Variants in PIK3AP1 observed in about 807,000 individuals in gnomAD.
The protein encoded by PIK3AP1 is phosphoinositide 3-kinase adapter protein 1.
Under a neutral mutation model 88.1 loss-of-function variants are expected in PIK3AP1, and 21 were observed. The observed-to-expected ratio is 0.24, with a 90% CI of 0.17 to 0.34. PIK3AP1 has a LOEUF of 0.34. Among genes scored for constraint, PIK3AP1 ranks in the 10% least tolerant of loss-of-function variants. The pLI is 1.00. For synonymous variants in PIK3AP1, 398 were observed against 400.0 expected (o/e 1.00, Z 0.06); for missense variants, 828 against 1,035.7 (o/e 0.80, Z 2.75).
chr10:96,627,674 T>G (rs1156428283), intron 9 of PIK3AP1, among the ~76,000 whole-genome samples: 1 of 152,174 alleles, frequency 6.6e-6, no homozygotes, highest in Non-Finnish European at 1.5e-5. Context: ...ACATTGCAAA[T>G]GATTGGACAG....
At chr10:96,679,570 A>T (rs1843971175) in intron 2 of PIK3AP1, among the ~76,000 whole-genome samples, 1 of 152,174 alleles carries the variant, frequency 6.6e-6, no homozygotes, top group Non-Finnish European at 1.5e-5. Flanking sequence ...GCTCATCCTT[A>T]TCTTTAGTCC....
At chr10:96,664,438 C>T (rs1843734183) in intron 2 of PIK3AP1, among the ~76,000 whole-genome samples, 1 of 152,100 alleles carries the variant, frequency 6.6e-6, no homozygotes, top group South Asian at 2.1e-4. Context: ...AGTGAGAAAG[C>T]ATTTCTTTGA....
chr10:96,677,460 G>C (rs770044624), intron 2 of PIK3AP1, among the ~76,000 whole-genome samples: 3 of 152,054 alleles, frequency 2.0e-5, no homozygotes, highest in Non-Finnish European at 4.4e-5. Context: ...GCAGAGTCCA[G>C]TTGTCTTCCT....
chr10:96,599,001 A>G (rs1184529792), intron 16 of PIK3AP1, among the ~76,000 whole-genome samples: 1 of 152,226 alleles, frequency 6.6e-6, no homozygotes, highest in African/African-American at 2.4e-5. Flanking sequence ...ATCATCAGCT[A>G]TTCCTGTTCT....
chr10:96,601,959 C>T (rs1029013328), intron 16 of PIK3AP1, among the ~76,000 whole-genome samples: 4 of 152,210 alleles, frequency 2.6e-5, no homozygotes, highest in Non-Finnish European at 5.9e-5. Flanking sequence ...TCTCGGCTCA[C>T]TGCAACCTCT....
At chr10:96,651,725 C>G (rs755222375) in intron 4 of PIK3AP1, 74 bp from the exon 5 acceptor site, 16 of 1,515,262 alleles carry the variant, frequency 1.1e-5, no homozygotes, top group Admixed American at 9.0e-5. Flanking sequence ...TGTGGATATA[C>G]ACACTCCATC....
intron 1 of PIK3AP1, among the ~76,000 whole-genome samples, 171 bp from the exon 2 acceptor site, chr10:96,710,154 A>G (rs1027044914): frequency 5.9e-5 from 9 of 152,090 alleles, no homozygotes; most frequent in Admixed American, 5.9e-4. Flanking sequence ...CCCCATTTAC[A>G]GTCTGTGTTC....
chr10:96,691,965 G>C (rs1184077161), intron 2 of PIK3AP1, among the ~76,000 whole-genome samples: 2 of 152,172 alleles, frequency 1.3e-5, no homozygotes, highest in African/African-American at 2.4e-5. Context: ...GTCTCTCCCA[G>C]ATTTAAGATT....
At chr10:96,653,860 T>G (rs1019074218) in intron 3 of PIK3AP1, among the ~76,000 whole-genome samples, 1 of 152,244 alleles carries the variant, frequency 6.6e-6, no homozygotes, top group Non-Finnish European at 1.5e-5. Flanking sequence ...ATTGGTCCAT[T>G]TCAGAATTGG....
Position 96,648,800 on chromosome 10 carries a change from C to T in PIK3AP1, c.1044G>A (p.Leu348=). The change falls in exon 7 of 17, where the codon CTG becomes CTA. Residue 348 remains leucine, a synonymous_variant. Coordinates refer to ENST00000339364, the MANE Select transcript of PIK3AP1 (RefSeq NM_152309.3). ...TGAGCAACAAGGCAGTGAGGTTCTT[C>T]AGTCCATACTTCGCAGCAAAATGCA... is the stretch of plus-strand genomic sequence containing the variant. ...TLLHFAAKYG[L]KNLTALLLTC... 2 of 1,603,468 alleles carry T rather than the reference C, an allele frequency of 1.2e-6. No individual in the cohort carries two copies. Among genetic ancestry groups the T allele is most frequent in the Non-Finnish European group, 1.7e-6 (2 of 1,175,728 alleles).
At chr10:96,710,063 A>G in intron 1 of PIK3AP1, 80 bp from the exon 2 acceptor site, 1 of 1,407,514 alleles carries the variant, frequency 7.1e-7, no homozygotes, top group South Asian at 1.4e-5. Context: ...AAGGTAGAGC[A>G]TCCAGACACT....
At chr10:96,658,882 G>A (rs142157641) in intron 2 of PIK3AP1, among the ~76,000 whole-genome samples, 5 of 152,184 alleles carry the variant, frequency 3.3e-5, no homozygotes, top group East Asian at 3.9e-4. Context: ...CAGAACCATC[G>A]GTCTCCTCCA....
chr10:96,705,695 A>T (rs1230173459), intron 2 of PIK3AP1, among the ~76,000 whole-genome samples: 1 of 146,808 alleles, frequency 6.8e-6, no homozygotes, highest in Non-Finnish European at 1.5e-5. Context: ...TGATCCTCCC[A>T]CCTCAGCCTC....
At position 96,652,734 on chromosome 10, in the gene PIK3AP1, C is replaced by A; in HGVS notation, c.676G>T (p.Val226Leu). The change falls in exon 4 of 17, where the codon GTG becomes TTG. Residue 226 changes from valine (V) to leucine (L), a missense_variant. This residue lies in a region of PIK3AP1 where 610 missense variants were observed against 760.1 expected (regional missense o/e 0.80). Coordinates refer to ENST00000339364, the MANE Select transcript of PIK3AP1 (RefSeq NM_152309.3). ...ACTGAAATGGTGTACTCATTCTCCA[C>A]CTTGGCTTCCATCCTTACAGAGGGA... is the stretch of plus-strand genomic sequence containing the variant. ...DSPSVRMEAK[V>L]ENEYTISVKA... is the part of the protein sequence containing the mutation. 2 of 1,614,154 alleles carry A rather than the reference C, an allele frequency of 1.2e-6. No homozygotes were observed. Among genetic ancestry groups the A allele is most frequent in the African/African-American group, 1.3e-5 (1 of 75,024 alleles).
At chr10:96,690,551 A>G (rs1844139705) in intron 2 of PIK3AP1, among the ~76,000 whole-genome samples, 1 of 152,052 alleles carries the variant, frequency 6.6e-6, no homozygotes, top group Admixed American at 6.6e-5. Flanking sequence ...GAACCATTGC[A>G]CCCAGCCCAA....
At chr10:96,690,786 C>A (rs1332523234) in intron 2 of PIK3AP1, among the ~76,000 whole-genome samples, 1 of 152,196 alleles carries the variant, frequency 6.6e-6, no homozygotes, top group Admixed American at 6.5e-5. Flanking sequence ...AATCTCCTGG[C>A]CACAGTTAAT....
intron 2 of PIK3AP1, among the ~76,000 whole-genome samples, chr10:96,698,845 T>C (rs1844255856): frequency 6.6e-6 from 1 of 151,942 alleles, no homozygotes; most frequent in Non-Finnish European, 1.5e-5. Flanking sequence ...AATGAATGAG[T>C]GAAGAAACTA....
chr10:96,641,721 G>A (rs1321466799), intron 8 of PIK3AP1, among the ~76,000 whole-genome samples: 1 of 152,144 alleles, frequency 6.6e-6, no homozygotes, highest in East Asian at 1.9e-4. Context: ...TGGGACTTAA[G>A]TAAGTTACTA....
At chr10:96,613,844 A>G (rs1218419022) in intron 13 of PIK3AP1, among the ~76,000 whole-genome samples, 1 of 152,176 alleles carries the variant, frequency 6.6e-6, no homozygotes, top group African/African-American at 2.4e-5. Context: ...GGTGCCAGGC[A>G]CTGTGCTAAG....
Sources: allele counts gnomAD v4.1 joint callset (sites outside exome capture counted in the v4.1 genomes callset), GRCh38; gene constraint gnomAD v4.1.1; regional missense constraint gnomAD v4.1.1; transcripts MANE v1.5; gene names NCBI Gene and HGNC (gene_info 2026-07-23, HGNC 2026-07-21).